The following DOCK5 variants were observed in gnomAD, a reference collection of about 807,000 sequenced individuals.
DOCK5 encodes the protein dedicator of cytokinesis protein 5.
DOCK5 carries 142 observed loss-of-function variants against 251.8 expected under a neutral mutation model. The ratio of observed to expected loss-of-function variants is 0.56; its 90% CI spans 0.49 to 0.65. The LOEUF is 0.65. Ranked by LOEUF, DOCK5 falls within the 30% of genes least tolerant of loss-of-function variation. The pLI is 0.00. For synonymous variants in DOCK5, 842 were observed against 835.5 expected, an observed-to-expected ratio of 1.01 and a Z score of -0.13; for missense variants, 2,111 against 2,312.3, an observed-to-expected ratio of 0.91 and a Z score of 1.79.
At chr8:25,386,255 A>G (rs949672342) in intron 40 of DOCK5, among the ~76,000 whole-genome samples, 10 of 152,094 alleles carry the variant, frequency 6.6e-5, no homozygotes, top group African/African-American at 2.4e-4. Context: ...GTGGTTGGGG[A>G]TGAGGTGGAC....
At chr8:25,409,911 C>G (rs1331270030) in intron 50 of DOCK5, 188 bp from the exon 51 acceptor site, 1 of 529,336 alleles carries the variant, frequency 1.9e-6, no homozygotes, top group Non-Finnish European at 3.4e-6. Context: ...CTTGAAACTT[C>G]TGGCGAGGGC....
Position 25,321,654 on chromosome 8 carries a change from G to T in DOCK5, c.1615+602G>T, listed in dbSNP as rs556079382. On this transcript the variant is annotated intron_variant, in intron 16 of 51. Coordinates refer to ENST00000276440, the MANE Select transcript of DOCK5 (RefSeq NM_024940.8). ...GGAGGCGGAGCTCAGGTGATAATGC[G>T]AGCAGTGGGGAGCAGCTGTGAAGAC... Among the ~76,000 whole-genome samples, 50 of 152,196 alleles carry T rather than the reference G, an allele frequency of 3.3e-4. 2 individuals are homozygous for T. In the South Asian group the frequency reaches 9.7e-3, roughly 30 times the overall value.
At chr8:25,276,695 C>G (rs1210978891) in intron 4 of DOCK5, among the ~76,000 whole-genome samples, 3 of 152,078 alleles carry the variant, frequency 2.0e-5, no homozygotes, top group Non-Finnish European at 4.4e-5. Context: ...GATGGGCAAG[C>G]TTTATTTTGT....
At chr8:25,330,656 C>G (rs1324801358) in intron 18 of DOCK5, among the ~76,000 whole-genome samples, 1 of 152,100 alleles carries the variant, frequency 6.6e-6, no homozygotes, top group African/African-American at 2.4e-5. Context: ...CGAGGAATCC[C>G]TAGGCACTAG....
At chr8:25,214,509 C>G (rs1009134150) in intron 1 of DOCK5, among the ~76,000 whole-genome samples, 1 of 152,056 alleles carries the variant, frequency 6.6e-6, no homozygotes, top group Admixed American at 6.6e-5. Flanking sequence ...ATTTCAATCT[C>G]CTATTTACCT....
intron 34 of DOCK5, among the ~76,000 whole-genome samples, chr8:25,370,437 T>C (rs1399997682): frequency 6.6e-6 from 1 of 152,248 alleles, no homozygotes; most frequent in Non-Finnish European, 1.5e-5. Flanking sequence ...ATAGCATCTG[T>C]TGCAGAGTTC....
At position 25,372,731 on chromosome 8, in the gene DOCK5, C is replaced by T. The variant is rs1409683435; in HGVS notation, c.3684+13C>T. ...TGTGAACGTGCTGGTATGTGACATG[C>T]CTCCGGTGTGATGGGAGGGTACTGT... On this transcript the variant is annotated intron_variant, in intron 35 of 51. Transcript: ENST00000276440. The T allele has an allele frequency of 1.2e-6, 2 of 1,606,698 alleles. No individual in the cohort carries two copies. Among genetic ancestry groups the T allele is most frequent in the Non-Finnish European group, 1.7e-6 (2 of 1,176,686 alleles).
chr8:25,200,446 G>T (rs927135759), intron 1 of DOCK5, among the ~76,000 whole-genome samples: 35 of 152,176 alleles, frequency 2.3e-4, no homozygotes, highest in Admixed American at 1.8e-3. Context: ...AGATTCTGAC[G>T]CAGTGATAGA....
At position 25,414,191 on chromosome 8, in the gene DOCK5, A is replaced by G. The variant is rs1177211103; in HGVS notation, c.*2893A>G. 1 of 152,100 alleles carries G rather than the reference A, an allele frequency of 6.6e-6. No individual in the cohort carries two copies. Among genetic ancestry groups the G allele is most frequent in the African/African-American group, 2.4e-5 (1 of 41,422 alleles). 9.4% of individuals were successfully genotyped at this position (152,100 alleles called of 1,614,324 possible). The stretch of plus-strand genomic sequence containing the variant: ...TTTAAAGGATTGTTTTATTCAACAT[A>G]TATCAAGTTCTTATGGAATGCCAGT... On this transcript the variant is annotated 3_prime_UTR_variant, in exon 52 of 52. Transcript: ENST00000276440.
chr8:25,415,547 T>C lies in DOCK5; in HGVS notation c.*4249T>C. 1 of 152,236 alleles carries C rather than the reference T, an allele frequency of 6.6e-6. No individual in the cohort carries two copies. The highest frequency in any genetic ancestry group is 1.9e-4 in the East Asian group (1 of 5,200). 9.4% of individuals were successfully genotyped at this position (152,236 alleles called of 1,614,324 possible). On this transcript the variant is annotated 3_prime_UTR_variant, in exon 52 of 52. Transcript: ENST00000276440. ...AACTCATCTACTATTAGCCATATTT[T>C]GTGAGTCGTTTGTCTAAACTTTGTC... is the stretch of plus-strand genomic sequence containing the variant.
chr8:25,224,776 G>A (rs1251197940), intron 1 of DOCK5, among the ~76,000 whole-genome samples: 1 of 152,116 alleles, frequency 6.6e-6, no homozygotes, highest in Admixed American at 6.6e-5. Context: ...AAATAATACA[G>A]AAATGTATAA....
At chr8:25,215,130 C>G (rs747350245) in intron 1 of DOCK5, among the ~76,000 whole-genome samples, 5 of 152,012 alleles carry the variant, frequency 3.3e-5, no homozygotes, top group Non-Finnish European at 7.4e-5. Flanking sequence ...TCATCCAGCC[C>G]CCGTTGGGAT....
rs118161410 is a variant in DOCK5 at position 25,289,479 on chromosome 8, G to A, written c.322-2545G>A. Among the ~76,000 whole-genome samples, 42 of 151,636 alleles carry A rather than the reference G, an allele frequency of 2.8e-4. No homozygotes were observed. The East Asian group carries it at 7.9e-3, about 28-fold the overall frequency. The stretch of plus-strand genomic sequence containing the variant: ...TGTGAGTTGTTTTTACAGCAGATAA[G>A]AAGAATGTTTTCTTATAATTTCAGA... On this transcript the variant is annotated intron_variant, in intron 5 of 51. Transcript: ENST00000276440.
At chr8:25,339,975 A>T (rs995335506) in intron 22 of DOCK5, among the ~76,000 whole-genome samples, 2 of 152,186 alleles carry the variant, frequency 1.3e-5, no homozygotes, top group African/African-American at 4.8e-5. Flanking sequence ...AGGCAGATGG[A>T]GAGAATGGAC....
intron 5 of DOCK5, among the ~76,000 whole-genome samples, chr8:25,282,849 C>CAAAAAAAAAAAAAA (rs56687628): frequency 1.3e-4 from 5 of 39,590 alleles, no homozygotes; most frequent in African/African-American, 4.3e-4. Context: ...GACCCTTTCT[C>CAAAAAAAAAAAAAA]AAAAAAAAAA....
intron 22 of DOCK5, among the ~76,000 whole-genome samples, chr8:25,337,415 T>C (rs1358063133): frequency 6.6e-6 from 1 of 151,998 alleles, no homozygotes; most frequent in Admixed American, 6.6e-5. Flanking sequence ...AAGAAGATTT[T>C]TAAGGGAAAG....
At chr8:25,292,644 G>A (rs754071527) in intron 6 of DOCK5, among the ~76,000 whole-genome samples, 6 of 151,988 alleles carry the variant, frequency 3.9e-5, no homozygotes, top group African/African-American at 1.2e-4. Flanking sequence ...CCACCTACTC[G>A]GGAGGATCAC....
chr8:25,210,028 ATAT>A lies in DOCK5; in HGVS notation c.43+25078_43+25080del, dbSNP rs1563309060. On this transcript the variant is annotated intron_variant, in intron 1 of 51. Transcript: ENST00000276440. ...GCTAATTATATATATATATATATATATATATAAATGTGTGTGTGTGTGTGTGTG... is the reference window on the plus strand; with the variant it reads ...GCTAATTATATATATATATATATATAATAAATGTGTGTGTGTGTGTGTGTG... 7.7e-5 allele frequency among the ~76,000 whole-genome samples: 2 copies of A among 25,808 alleles called. 1 individual carries two copies. The highest frequency in any genetic ancestry group is 1.8e-4 in the African/African-American group (2 of 11,214). 16.9% of individuals were successfully genotyped at this position (25,808 alleles called of 152,430 possible). A position where few individuals can be genotyped will look rare whatever the true frequency, so the allele number is the denominator to read the frequency against.
intron 15 of DOCK5, among the ~76,000 whole-genome samples, chr8:25,320,711 C>A (rs1805400669): frequency 6.6e-6 from 1 of 152,316 alleles, no homozygotes; most frequent in African/African-American, 2.4e-5. Flanking sequence ...ACCAGTATTT[C>A]CCCTCTGAAG....
Sources: gnomAD v4.1 joint callset for allele counts (sites outside exome capture counted in the v4.1 genomes callset) on GRCh38, gnomAD v4.1.1 for gene constraint, MANE v1.5 for transcripts, NCBI Gene and HGNC (gene_info 2026-07-23, HGNC 2026-07-21) for gene names.